Variants in EVL observed in about 807,000 individuals in gnomAD.
The protein encoded by EVL is Enah/Vasp-like.
EVL carries 21 observed loss-of-function variants against 59.6 expected under a neutral mutation model. The observed-to-expected ratio is 0.35, with a 90% confidence interval of 0.25 to 0.51. The LOEUF (loss-of-function observed/expected upper bound fraction) is 0.51. EVL is among the 20% of genes least tolerant of loss of function. EVL has a pLI of 0.97. For synonymous variants in EVL, 198 were observed against 203.5 expected (o/e 0.97, Z 0.23); for missense variants, 462 against 546.6 (o/e 0.85, Z 1.54).
At chr14:100,110,946 C>T (rs903013419) in intron 3 of EVL, among the ~76,000 whole-genome samples, 9 of 152,082 alleles carry the variant, frequency 5.9e-5, no homozygotes, top group African/African-American at 1.2e-4. Context: ...ACCTTCCTGA[C>T]GCCTCCTGGT....
chr14:100,115,522 T>G (rs1887284437), intron 3 of EVL, among the ~76,000 whole-genome samples: 1 of 152,236 alleles, frequency 6.6e-6, no homozygotes, highest in Non-Finnish European at 1.5e-5. Flanking sequence ...CTCTCTGAAG[T>G]GCCATCCCCA....
chr14:100,136,532 G>A (rs189016746), intron 9 of EVL, among the ~76,000 whole-genome samples: 4 of 152,250 alleles, frequency 2.6e-5, no homozygotes, highest in Admixed American at 6.5e-5. Context: ...TTGTTCATTC[G>A]ACAAACATCT....
At chr14:100,084,664 A>T (rs767506274) in intron 1 of EVL, 23 bp from the exon 2 acceptor site, 2 of 1,612,392 alleles carry the variant, frequency 1.2e-6, no homozygotes, top group Non-Finnish European at 1.7e-6. Context: ...TGAGGCTGAC[A>T]CCAGTTTTTT....
chr14:100,091,365 G>C (rs1567012015), intron 2 of EVL, among the ~76,000 whole-genome samples: 2 of 150,624 alleles, frequency 1.3e-5, no homozygotes, highest in African/African-American at 5.0e-5. Context: ...AGGAGAATCT[G>C]AATCAACAGG....
chr14:99,998,794 T>C (rs2060928927), intron 1 of EVL, among the ~76,000 whole-genome samples: 1 of 152,124 alleles, frequency 6.6e-6, no homozygotes, highest in Admixed American at 6.5e-5. Flanking sequence ...TATCATTTGA[T>C]TCTCACAAAA....
At chr14:99,975,559 G>T (rs1184376144) in intron 1 of EVL, among the ~76,000 whole-genome samples, 1 of 152,178 alleles carries the variant, frequency 6.6e-6, no homozygotes, top group Non-Finnish European at 1.5e-5. Flanking sequence ...TGGGGGGTTA[G>T]GGGGGTAGTT....
At chr14:100,044,952 AC>A (rs1282652824) in intron 1 of EVL, among the ~76,000 whole-genome samples, 2 of 152,180 alleles carry the variant, frequency 1.3e-5, no homozygotes, top group Non-Finnish European at 2.9e-5. Flanking sequence ...ACAGAGCAAG[AC>A]CCTATAAAAA....
chr14:100,035,862 C>G (rs2061380980), intron 1 of EVL, among the ~76,000 whole-genome samples: 1 of 152,104 alleles, frequency 6.6e-6, no homozygotes, highest in African/African-American at 2.4e-5. Flanking sequence ...TGGGTCTAAT[C>G]CCCCACCTCA....
At chr14:99,979,118 G>T (rs1198728397) in intron 1 of EVL, among the ~76,000 whole-genome samples, 1 of 151,844 alleles carries the variant, frequency 6.6e-6, no homozygotes, top group African/African-American at 2.4e-5. Flanking sequence ...ATTAGATGGG[G>T]TAAGGAGGTG....
intron 3 of EVL, among the ~76,000 whole-genome samples, chr14:100,111,248 C>G (rs1287128495): frequency 2.7e-5 from 4 of 150,774 alleles, no homozygotes; most frequent in Non-Finnish European, 5.9e-5. Flanking sequence ...CCTCTGCCTC[C>G]CAGGTTCAAG....
chr14:99,986,658 A>G (rs756758221), intron 1 of EVL, among the ~76,000 whole-genome samples: 5 of 152,236 alleles, frequency 3.3e-5, no homozygotes, highest in Non-Finnish European at 7.3e-5. Flanking sequence ...TTTCTGGACT[A>G]TGAATTGAAG....
chr14:100,083,630 G>A (rs1021159752), intron 1 of EVL, among the ~76,000 whole-genome samples: 1 of 152,136 alleles, frequency 6.6e-6, no homozygotes, highest in Non-Finnish European at 1.5e-5. Flanking sequence ...CCTTTCAGGG[G>A]CTTCTCCCCT....
At chr14:100,112,404 G>A (rs1029509752) in intron 3 of EVL, among the ~76,000 whole-genome samples, 2 of 152,192 alleles carry the variant, frequency 1.3e-5, no homozygotes, top group Admixed American at 1.3e-4. Context: ...CAAGCAGACT[G>A]CATTTCACCT....
intron 1 of EVL, among the ~76,000 whole-genome samples, chr14:99,986,290 C>CAAAAAAAAAAAA (rs3072366): frequency 2.5e-5 from 2 of 78,448 alleles, no homozygotes; most frequent in African/African-American, 4.7e-5. Context: ...GACTCTGTCT[C>CAAAAAAAAAAAA]AAAAAAAAAA....
intron 1 of EVL, among the ~76,000 whole-genome samples, chr14:99,986,084 G>A (rs893125279): frequency 2.6e-5 from 4 of 152,086 alleles, no homozygotes; most frequent in African/African-American, 7.2e-5. Context: ...CTGAAGTCAG[G>A]AGTTCAAGAC....
In EVL at chr14:100,109,994, A is replaced by G. The variant is rs1273116806; in HGVS notation, c.358+12336A>G. Among the ~76,000 whole-genome samples, 1 of 152,266 alleles carries G rather than the reference A, an allele frequency of 6.6e-6. No homozygotes were observed. The highest frequency in any genetic ancestry group is 1.9e-4 in the East Asian group (1 of 5,200). ...CTCACAGGGTTGTTGTGAGGGTACC[A>G]TGAGATGATGTTTGTAAACATTCTT... is the stretch of plus-strand genomic sequence containing the variant. On this transcript the variant is annotated intron_variant, in intron 3 of 13. Transcript: ENST00000392920. This position sits in a 1 kb window ranked among gnomAD's most constrained non-coding sequence, Gnocchi z 4.3.
intron 8 of EVL, chr14:100,135,264 C>T (rs955933974): frequency 6.6e-6 from 1 of 152,214 alleles, no homozygotes; most frequent in African/African-American, 2.4e-5. Flanking sequence ...GACCTCTGCC[C>T]ACGGTGACAA....
chr14:100,006,344 G>T (rs1393343852), intron 1 of EVL, among the ~76,000 whole-genome samples: 1 of 150,086 alleles, frequency 6.7e-6, no homozygotes, highest in African/African-American at 2.5e-5. Context: ...AAGTGCAGTG[G>T]TGCGATCTTG....
intron 1 of EVL, among the ~76,000 whole-genome samples, chr14:100,052,063 G>C (rs897335121): frequency 6.6e-6 from 1 of 152,172 alleles, no homozygotes; most frequent in Non-Finnish European, 1.5e-5. Flanking sequence ...AAAAAATAAC[G>C]GAAGGGCAGG....
Sources: allele counts gnomAD v4.1 joint callset (sites outside exome capture counted in the v4.1 genomes callset), GRCh38; gene constraint gnomAD v4.1.1; non-coding constraint Gnocchi (gnomAD v3.1); transcripts MANE v1.5; gene names NCBI Gene and HGNC (gene_info 2026-07-23, HGNC 2026-07-21).